Variants in HERC2 observed in about 807,000 individuals in gnomAD.
HERC2 encodes HECT and RLD domain containing E3 ubiquitin protein ligase 2, also known as E3 ubiquitin-protein ligase HERC2.
In HERC2, 102 loss-of-function variants were observed where a neutral mutation model predicts 537.7. The observed-to-expected ratio is 0.19, with a 90% CI of 0.16 to 0.22. The LOEUF (loss-of-function observed/expected upper bound fraction) is 0.22, where lower values mean the gene tolerates loss of function less well. Among genes scored for constraint, HERC2 ranks in the 10% least tolerant of loss-of-function variants. The pLI, the probability that HERC2 is intolerant of heterozygous loss-of-function variation, is 1.00. For missense variants in HERC2, 4,236 were observed against 6,198.2 expected, an observed-to-expected ratio of 0.68 and a Z score of 10.63; for synonymous variants, 2,224 against 2,466.2, an observed-to-expected ratio of 0.90 and a Z score of 2.91.
Position 28,125,041 on chromosome 15 carries a change from T to C in HERC2, c.12955A>G (p.Ser4319Gly). The C allele has an allele frequency of 1.9e-6, 3 of 1,606,086 alleles. No individual in the cohort carries two copies. Among genetic ancestry groups the C allele is most frequent in the Non-Finnish European group, 2.6e-6 (3 of 1,173,188 alleles). The change falls in exon 84 of 93, where the codon AGC becomes GGC. Residue 4319 changes from serine to glycine, a missense_variant. By Grantham distance (56) the Ser-to-Gly change is moderately conservative (BLOSUM62 0). Transcript: ENST00000261609. ...GSAHTLAWST[S>G]KPASAGKLPA... The stretch of plus-strand genomic sequence containing the variant: ...AGTTTGCCAGCACTGGCGGGCTTGC[T>C]GGTCGACCAGGCGAGGGTATGTGCT...
At chr15:28,321,613 G>C in intron 1 of HERC2, 149 bp from the exon 2 acceptor site, 1 of 379,612 alleles carries the variant, frequency 2.6e-6, no homozygotes, top group Non-Finnish European at 4.5e-6. Context: ...GAGGGAAAGA[G>C]GGAAGAGATG....
Position 28,292,783 on chromosome 15 carries a change from C to T in HERC2, c.322+105G>A. ...CCACAATATTTAAATTTTTTATTTA[C>T]TTTTTTTAAAATTGTTACCAAAAAA... On this transcript the variant is annotated intron_variant, in intron 4 of 92. Transcript: ENST00000261609. The T allele has an allele frequency of 2.5e-6, 3 of 1,190,282 alleles. No homozygotes were observed. In the South Asian group the frequency reaches 4.3e-5, roughly 17 times the overall value. 73.7% of individuals were successfully genotyped at this position (1,190,282 alleles called of 1,614,324 possible).
Position 28,196,293 on chromosome 15 carries a change from C to T in HERC2, c.8182G>A (p.Asp2728Asn). The T allele has an allele frequency of 2.7e-6, 4 of 1,456,166 alleles. No homozygotes were observed. The highest frequency in any genetic ancestry group is 3.8e-6 in the Non-Finnish European group (4 of 1,049,132). The allele number at this position is 1,456,166 out of a possible 1,614,324, so 90.2% of individuals were successfully genotyped here. A position where few individuals can be genotyped will look rare whatever the true frequency, so the allele number is the denominator to read the frequency against. Residue 2728 changes from aspartate (D) to asparagine (N), a missense_variant, in exon 52 of 93, where the codon GAC (aspartate) becomes AAC (asparagine). Transcript: ENST00000261609. ...GSRFKCRNCD[D>N]FDFCETCFKT... The stretch of plus-strand genomic sequence containing the variant: ...AAACACGTTTCACAAAAATCAAAGT[C>T]ATCACAGTTTCTGCATTTGAATCTG...
Position 28,308,720 on chromosome 15 carries a change from T to C in HERC2, c.73-9204A>G, listed in dbSNP as rs184411145. 2.6e-5 allele frequency among the ~76,000 whole-genome samples: 4 copies of C among 152,312 alleles called. No individual in the cohort carries two copies. In the East Asian group the frequency reaches 5.8e-4, roughly 22 times the overall value. On this transcript the variant is annotated intron_variant, in intron 2 of 92. Transcript: ENST00000261609. ...ACGGCTTTTATTATGTTGAGGTATG[T>C]TTCTTCCATAACCAGTTTTAAGAGA...
At chr15:28,275,126 A>G in intron 5 of HERC2, 121 bp from the exon 6 acceptor site, 1 of 526,112 alleles carries the variant, frequency 1.9e-6, no homozygotes, top group Non-Finnish European at 3.4e-6. Context: ...TTCAAGTGAC[A>G]GGATCACAAG....
intron 44 of HERC2, among the ~76,000 whole-genome samples, chr15:28,207,319 T>C (rs1295239501): frequency 6.6e-6 from 1 of 151,974 alleles, no homozygotes; most frequent in Non-Finnish European, 1.5e-5. Flanking sequence ...ATTTTTAGTA[T>C]AGATGGGGGT....
chr15:28,243,663 T>C (rs1161814955), intron 23 of HERC2, among the ~76,000 whole-genome samples: 3 of 152,126 alleles, frequency 2.0e-5, no homozygotes, highest in Non-Finnish European at 4.4e-5. Flanking sequence ...AAAATGCTAA[T>C]TGAAACCACA....
At chr15:28,304,049 C>A (rs970759887) in intron 2 of HERC2, among the ~76,000 whole-genome samples, 22 of 151,510 alleles carry the variant, frequency 1.5e-4, no homozygotes, top group African/African-American at 5.3e-4. Flanking sequence ...GCCTGTAATG[C>A]CAGCTACTCA....
intron 71 of HERC2, among the ~76,000 whole-genome samples, chr15:28,145,047 C>T (rs1168885731): frequency 4.6e-5 from 7 of 152,242 alleles, no homozygotes; most frequent in South Asian, 2.1e-4. Flanking sequence ...CTGCGGCAGG[C>T]GGGCAGACAC....
chr15:28,233,181 G>A lies in HERC2; in HGVS notation c.4640C>T (p.Ala1547Val). ...LSSLPRWRRI[A>V]QKIIRERRKK... is the part of the protein sequence containing the mutation. ...CCTTCGTTCTCGAATTATCTTTTGA[G>A]CTATCCTCCTCCAACGGGGCAAAGA... Residue 1547 changes from alanine (A) to valine (V), a missense_variant, in exon 30 of 93, where the codon GCT (alanine) becomes GTT (valine). This residue lies in a region of HERC2 where 343 missense variants were observed against 417.2 expected (regional missense o/e 0.82). Transcript: ENST00000261609. The A allele has an allele frequency of 6.2e-7, 1 of 1,611,672 alleles. No individual in the cohort carries two copies. Among genetic ancestry groups the A allele is most frequent in the Non-Finnish European group, 8.5e-7 (1 of 1,179,714 alleles).
intron 88 of HERC2, 68 bp downstream of exon 88, chr15:28,116,597 T>G: frequency 7.3e-7 from 1 of 1,361,786 alleles, no homozygotes; most frequent in Non-Finnish European, 1.0e-6. Context: ...CTCAAACAGA[T>G]AGTACATTTT....
rs550753490 is a variant in HERC2, at chr15:28,296,090, C to T, written c.188-3068G>A. Among the ~76,000 whole-genome samples the T allele has an allele frequency of 3.2e-4, 48 of 152,084 alleles. No individual in the cohort carries two copies. In the East Asian group the frequency reaches 6.6e-3, roughly 21 times the overall value. On this transcript the variant is annotated intron_variant, in intron 3 of 92. Transcript: ENST00000261609. ...CATTTATTGAATGTCAAAATATCTC[C>T]CTAACACCCCGAATCAGTTGGGATC... is the stretch of plus-strand genomic sequence containing the variant.
intron 48 of HERC2, among the ~76,000 whole-genome samples, chr15:28,199,042 G>T (rs1034568637): frequency 6.6e-6 from 1 of 152,006 alleles, no homozygotes; most frequent in Admixed American, 6.6e-5. Flanking sequence ...AGCTACTCGG[G>T]AGACTGAGTT....
intron 45 of HERC2, chr15:28,203,686 G>C (rs933313580): frequency 1.3e-5 from 2 of 151,948 alleles, no homozygotes; most frequent in Admixed American, 6.6e-5. Context: ...GCAGGGGCTG[G>C]GGTCCCGGCC....
chr15:28,162,847 C>T (rs973908224), intron 69 of HERC2, among the ~76,000 whole-genome samples: 5 of 152,136 alleles, frequency 3.3e-5, no homozygotes, highest in Admixed American at 1.3e-4. Context: ...GTCGAGATGG[C>T]GCCACTGCAC....
At chr15:28,240,028 T>C (rs1902891554) in intron 23 of HERC2, among the ~76,000 whole-genome samples, 1 of 151,312 alleles carries the variant, frequency 6.6e-6, no homozygotes, top group Admixed American at 6.6e-5. Context: ...CTGTTAATCT[T>C]ATAGACAAGA....
At chr15:28,139,189 C>T (rs1890944019) in intron 78 of HERC2, among the ~76,000 whole-genome samples, 1 of 152,214 alleles carries the variant, frequency 6.6e-6, no homozygotes, top group Admixed American at 6.5e-5. Flanking sequence ...GCTCCCTCTC[C>T]CTGAGTGTGG....
chr15:28,239,179 AT>A lies in HERC2; in HGVS notation c.3578-408del, dbSNP rs546863265. On this transcript the variant is annotated intron_variant, in intron 23 of 92. Coordinates refer to ENST00000261609, the MANE Select transcript of HERC2 (RefSeq NM_004667.6). ...AGTAACCCAAAATTCTAAGAAAAAA[AT>A]GACTATGAAAATTAGAAAATGTGTT... Among the ~76,000 whole-genome samples, 133 of 152,378 alleles carry A rather than the reference AT, an allele frequency of 8.7e-4. 2 individuals carry two copies. The South Asian group carries it at 0.026, about 30-fold the overall frequency.
intron 2 of HERC2, among the ~76,000 whole-genome samples, chr15:28,299,773 C>T (rs1429137202): frequency 6.6e-6 from 1 of 152,030 alleles, no homozygotes; most frequent in African/African-American, 2.4e-5. Context: ...GACACGTGGT[C>T]GGGCGAGGTG....
Sources: gnomAD v4.1 joint callset for allele counts (sites outside exome capture counted in the v4.1 genomes callset) on GRCh38, gnomAD v4.1.1 for gene constraint, gnomAD v4.1.1 regional missense constraint, MANE v1.5 for transcripts, NCBI Gene and HGNC (gene_info 2026-07-23, HGNC 2026-07-21) for gene names.